Variants in PTGFRN observed in about 807,000 individuals in gnomAD.
PTGFRN encodes the protein prostaglandin F2 receptor negative regulator.
A neutral mutation model predicts 83.2 loss-of-function variants in PTGFRN; 35 were observed. That is an observed-to-expected ratio of 0.42 (90% CI 0.32 to 0.56). The LOEUF is 0.56. Ranked by LOEUF, PTGFRN falls within the 20% of genes least tolerant of loss-of-function variation. PTGFRN has a pLI of 0.11. For synonymous variants in PTGFRN, 519 were observed against 498.6 expected, an observed-to-expected ratio of 1.04 and a Z score of -0.55; for missense variants, 1,051 against 1,179.5, an observed-to-expected ratio of 0.89 and a Z score of 1.60.
rs1202760465 is a variant in PTGFRN at position 116,986,925 on chromosome 1, ACGGCGCGAGCG to A, written c.2600_2610del (p.Arg867ProfsTer35). On this transcript the variant is annotated frameshift_variant, in exon 9 of 9. Coordinates refer to ENST00000393203, the MANE Select transcript of PTGFRN (RefSeq NM_020440.4). LOFTEE classifies it high-confidence loss of function. ...GTTGTAAGAAGGAGGTTCAGGAGAC[ACGGCGCGAGCG>A]CCGCAGGCTCATGTCGATGGAGATG... 6.2e-7 allele frequency: 1 copy of A among 1,614,222 alleles called. No individual in the cohort carries two copies.
chr1:116,914,753 CAA>C (rs370405921), intron 1 of PTGFRN, among the ~76,000 whole-genome samples: 10 of 129,406 alleles, frequency 7.7e-5, no homozygotes, highest in Admixed American at 7.9e-5. Flanking sequence ...GACCCTGTCT[CAA>C]AAAAAAAAAA....
chr1:116,920,815 G>A (rs1649516854), intron 1 of PTGFRN, among the ~76,000 whole-genome samples: 1 of 152,016 alleles, frequency 6.6e-6, no homozygotes, highest in Non-Finnish European at 1.5e-5. Flanking sequence ...GTAGAGACGG[G>A]GCTTCACCAT....
Position 116,952,658 on chromosome 1 carries a change from C to T in PTGFRN, c.1213+3086C>T, listed in dbSNP as rs570244414. 1.3e-5 allele frequency among the ~76,000 whole-genome samples: 2 copies of T among 152,316 alleles called. No individual in the cohort carries two copies. Among genetic ancestry groups the T allele is most frequent in the South Asian group, 4.1e-4 (2 of 4,830 alleles). ...AGACAAAAAAAAAGATGTGATTATA[C>T]AGTTCTCCTCTGAGGAAGGAAAACA... On this transcript the variant is annotated intron_variant, in intron 4 of 8. Transcript: ENST00000393203. The surrounding 1 kb of genome is among the most constrained non-coding windows in gnomAD (Gnocchi z 4.0).
rs1214095912 is a variant in PTGFRN, at chr1:116,952,577, A to G, written c.1213+3005A>G. Among the ~76,000 whole-genome samples, 3 of 142,894 alleles carry G rather than the reference A, an allele frequency of 2.1e-5. No individual in the cohort carries two copies. Among genetic ancestry groups the G allele is most frequent in the Admixed American group, 6.9e-5 (1 of 14,518 alleles). 93.7% of individuals were successfully genotyped at this position (142,894 alleles called of 152,430 possible). A position where few individuals can be genotyped will look rare whatever the true frequency, so the allele number is the denominator to read the frequency against. ...GAATAGATATTGCAAGGTGGTTGGTATGAATTAGTTATTATATTTGAGCAC... is the reference window on the plus strand; with the variant it reads ...GAATAGATATTGCAAGGTGGTTGGTGTGAATTAGTTATTATATTTGAGCAC... On this transcript the variant is annotated intron_variant, in intron 4 of 8. Transcript: ENST00000393203. This position sits in a 1 kb window ranked among gnomAD's most constrained non-coding sequence, Gnocchi z 4.0.
intron 7 of PTGFRN, 127 bp downstream of exon 7, chr1:116,974,450 C>A: frequency 1.4e-6 from 1 of 701,522 alleles, no homozygotes; most frequent in Admixed American, 2.7e-5. Flanking sequence ...ACTGCCTGGC[C>A]CAGTACTTTG....
At position 116,923,257 on chromosome 1, in the gene PTGFRN, A is replaced by G. The variant is rs1187125007; in HGVS notation, c.49+13005A>G. On this transcript the variant is annotated intron_variant, in intron 1 of 8. Coordinates refer to ENST00000393203, the MANE Select transcript of PTGFRN (RefSeq NM_020440.4). The surrounding 1 kb of genome is among the most constrained non-coding windows in gnomAD (Gnocchi z 4.0). ...TAAGGTGTGTATATTATATATATTT[A>G]AAATTGTGGACGTTAAGTTATAACA... Among the ~76,000 whole-genome samples, 1 of 152,220 alleles carries G rather than the reference A, an allele frequency of 6.6e-6. No individual in the cohort carries two copies. The highest frequency in any genetic ancestry group is 1.5e-5 in the Non-Finnish European group (1 of 68,044).
At chr1:116,984,397 G>C (rs561975744) in intron 7 of PTGFRN, among the ~76,000 whole-genome samples, 8 of 152,282 alleles carry the variant, frequency 5.3e-5, no homozygotes, top group Admixed American at 1.3e-4. Context: ...CAGCAGTGCA[G>C]TGGTTAAGAG....
At position 116,941,070 on chromosome 1, in the gene PTGFRN, C is replaced by T. The variant is rs769642699; in HGVS notation, c.50-645C>T. Reference sequence around the variant, plus strand: ...CCCAGCAACCAACCTGCCTCTCTCCCTTTGTGCTTCCACATCCTCATTCTG... The same window carrying T: ...CCCAGCAACCAACCTGCCTCTCTCCTTTTGTGCTTCCACATCCTCATTCTG... On this transcript the variant is annotated intron_variant, in intron 1 of 8. Coordinates refer to ENST00000393203, the MANE Select transcript of PTGFRN (RefSeq NM_020440.4). This position sits in a 1 kb window ranked among gnomAD's most constrained non-coding sequence, Gnocchi z 5.0. Among the ~76,000 whole-genome samples, 44 of 152,188 alleles carry T rather than the reference C, an allele frequency of 2.9e-4. No homozygotes were observed. The highest frequency in any genetic ancestry group is 4.9e-4 in the Non-Finnish European group (33 of 68,036).
At chr1:116,922,849 A>C (rs1238056525) in intron 1 of PTGFRN, among the ~76,000 whole-genome samples, 1 of 152,198 alleles carries the variant, frequency 6.6e-6, no homozygotes, top group Non-Finnish European at 1.5e-5. Context: ...AGTCCTTAGA[A>C]ACGACTGGAA....
rs775323202 is a variant in PTGFRN, at chr1:116,941,087, C to A, written c.50-628C>A. Among the ~76,000 whole-genome samples, 10 of 152,182 alleles carry A rather than the reference C, an allele frequency of 6.6e-5. No homozygotes were observed. The highest frequency in any genetic ancestry group is 1.5e-4 in the Non-Finnish European group (10 of 68,038). ...CTCTCTCCCTTTGTGCTTCCACATC[C>A]TCATTCTGAATTTAGATCAGAACAA... On this transcript the variant is annotated intron_variant, in intron 1 of 8. Coordinates refer to ENST00000393203, the MANE Select transcript of PTGFRN (RefSeq NM_020440.4). This position sits in a 1 kb window ranked among gnomAD's most constrained non-coding sequence, Gnocchi z 5.0.
intron 5 of PTGFRN, among the ~76,000 whole-genome samples, chr1:116,964,841 A>T (rs1650779690): frequency 6.6e-6 from 1 of 152,238 alleles, no homozygotes; most frequent in African/African-American, 2.4e-5. Context: ...ATTGACTTAG[A>T]ATCTGGCTAC....
intron 1 of PTGFRN, among the ~76,000 whole-genome samples, chr1:116,931,280 A>G (rs1442175465): frequency 2.0e-5 from 3 of 152,196 alleles, no homozygotes; most frequent in Admixed American, 6.5e-5. Context: ...TTTTGAATAA[A>G]GGATATACAG....
intron 1 of PTGFRN, among the ~76,000 whole-genome samples, chr1:116,922,444 T>C (rs1557957949): frequency 6.6e-6 from 1 of 152,188 alleles, no homozygotes; most frequent in Non-Finnish European, 1.5e-5. Flanking sequence ...TTCATTACCA[T>C]TTATCCCACA....
At chr1:116,947,556 A>C (rs1650232559) in intron 3 of PTGFRN, among the ~76,000 whole-genome samples, 1 of 152,240 alleles carries the variant, frequency 6.6e-6, no homozygotes, top group African/African-American at 2.4e-5. Flanking sequence ...ACACAGCTGA[A>C]GAGACATCCC....
At position 116,967,152 on chromosome 1, in the gene PTGFRN, C is replaced by A. The variant is rs779715817; in HGVS notation, c.1881C>A (p.Gly627=). The A allele has an allele frequency of 3.1e-6, 5 of 1,614,044 alleles. No homozygotes were observed. In the Admixed American group the frequency reaches 8.3e-5, roughly 27 times the overall value. ...ENWTDASRVD[G]VVLEKVQEDE... ...GGACAGATGCATCACGGGTGGATGG[C>A]GTTGTTTTAGAAAAAGTGCAGGAGG... The change falls in exon 6 of 9, where the codon GGC becomes GGA. Residue 627 remains glycine (G), a synonymous_variant. Transcript: ENST00000393203.
At chr1:116,910,647 A>T (rs1649244710) in intron 1 of PTGFRN, among the ~76,000 whole-genome samples, 1 of 151,738 alleles carries the variant, frequency 6.6e-6, no homozygotes, top group African/African-American at 2.4e-5. Flanking sequence ...CGAGAGCGGA[A>T]ATGTGAGCCT....
chr1:116,921,923 G>A (rs1347545321), intron 1 of PTGFRN, among the ~76,000 whole-genome samples: 10 of 152,308 alleles, frequency 6.6e-5, no homozygotes, highest in Admixed American at 5.2e-4. Context: ...TGCATTTCAG[G>A]TATGAAAGTG....
In PTGFRN at chr1:116,967,179, T is replaced by C. The variant is rs1477132526; in HGVS notation, c.1908T>C (p.Asp636=). The part of the protein sequence containing the change: ...DGVVLEKVQE[D]EFRYRMYQTQ... Reference sequence around the variant, plus strand: ...TTGTTTTAGAAAAAGTGCAGGAGGATGAGTTCCGCTATCGAATGTACCAGA... The same window carrying C: ...TTGTTTTAGAAAAAGTGCAGGAGGACGAGTTCCGCTATCGAATGTACCAGA... Residue 636 remains aspartate, a synonymous_variant, in exon 6 of 9, where the codon GAT becomes GAC. Transcript: ENST00000393203. 2 of 1,614,070 alleles carry C rather than the reference T, an allele frequency of 1.2e-6. No individual in the cohort carries two copies. The highest frequency in any genetic ancestry group is 1.7e-6 in the Non-Finnish European group (2 of 1,180,054).
intron 6 of PTGFRN, among the ~76,000 whole-genome samples, chr1:116,971,717 T>G (rs1436132026): frequency 6.6e-6 from 1 of 152,190 alleles, no homozygotes. Flanking sequence ...GCACAAATGC[T>G]CTGTTGATTC....
Sources: gnomAD v4.1 joint callset for allele counts (sites outside exome capture counted in the v4.1 genomes callset) on GRCh38, gnomAD v4.1.1 for gene constraint, Gnocchi (gnomAD v3.1) non-coding constraint, MANE v1.5 for transcripts, NCBI Gene and HGNC (gene_info 2026-07-23, HGNC 2026-07-21) for gene names.